The following LDLRAD4 variants were observed in gnomAD, a reference collection of about 807,000 sequenced individuals.
LDLRAD4 encodes the protein low-density lipoprotein receptor class A domain-containing protein 4.
Under a neutral mutation model 17.0 loss-of-function variants are expected in LDLRAD4, and 5 were observed. That is an observed-to-expected ratio of 0.29 (90% confidence interval 0.15 to 0.62). LDLRAD4 has a LOEUF of 0.62. Ranked by LOEUF, LDLRAD4 falls within the 20% of genes least tolerant of loss-of-function variation. LDLRAD4 has a pLI of 0.84. For synonymous variants in LDLRAD4, 168 were observed against 171.8 expected (o/e 0.98, Z 0.17); for missense variants, 340 against 424.7 (o/e 0.80, Z 1.75).
intron 3 of LDLRAD4, among the ~76,000 whole-genome samples, chr18:13,469,251 G>A (rs1046247017): frequency 8.5e-5 from 13 of 152,246 alleles, no homozygotes; most frequent in African/African-American, 3.1e-4. Context: ...TGGCAAAGAT[G>A]TGGAGAAATT....
chr18:13,613,749 C>T (rs1262566888), intron 3 of LDLRAD4: 1 of 152,204 alleles, frequency 6.6e-6, no homozygotes, highest in Non-Finnish European at 1.5e-5. Flanking sequence ...TTCCCTAGTC[C>T]GTCCAGTCAT....
chr18:13,504,531 G>A (rs546921970), intron 3 of LDLRAD4, among the ~76,000 whole-genome samples: 2 of 152,214 alleles, frequency 1.3e-5, no homozygotes, highest in Admixed American at 1.3e-4. Context: ...GGGTTCAAGC[G>A]ATTCTCCTGC....
intron 3 of LDLRAD4, among the ~76,000 whole-genome samples, chr18:13,594,176 G>T (rs758338525): frequency 1.3e-5 from 2 of 152,086 alleles, no homozygotes; most frequent in African/African-American, 4.8e-5. Flanking sequence ...GCAGCACCTC[G>T]CTTAGAGGTA....
intron 1 of LDLRAD4, among the ~76,000 whole-genome samples, chr18:13,243,865 A>G (rs2042807684): frequency 8.3e-6 from 1 of 120,688 alleles, no homozygotes; most frequent in Non-Finnish European, 1.7e-5. Context: ...TCACCCACCC[A>G]CACATCCACC....
intron 3 of LDLRAD4, chr18:13,612,249 G>A: frequency 2.0e-6 from 2 of 995,656 alleles, no homozygotes; most frequent in Admixed American, 5.8e-5. Context: ...TTGCCTGTGT[G>A]TGTGACACGT....
chr18:13,226,469 C>T (rs973053059), intron 1 of LDLRAD4, among the ~76,000 whole-genome samples: 4 of 151,868 alleles, frequency 2.6e-5, no homozygotes, highest in African/African-American at 7.3e-5. Context: ...AGGGTGACTG[C>T]ACCCTTGTCA....
At chr18:13,535,549 G>T (rs1601180638) in intron 3 of LDLRAD4, among the ~76,000 whole-genome samples, 1 of 152,002 alleles carries the variant, frequency 6.6e-6, no homozygotes, top group East Asian at 1.9e-4. Flanking sequence ...TATATGTTTT[G>T]AATACAAACT....
At chr18:13,299,210 C>G (rs538627338) in intron 1 of LDLRAD4, among the ~76,000 whole-genome samples, 18 of 152,342 alleles carry the variant, frequency 1.2e-4, no homozygotes, top group Admixed American at 2.0e-4. Flanking sequence ...GCGAGACCCT[C>G]TTTCTGAAAT....
rs540754968 is a variant in LDLRAD4 at position 13,505,674 on chromosome 18, C to A, written c.181+67290C>A. ...TCTACTAAAAATACAAAATATTACC[C>A]GGGCGTGGTGGTGGGCACCTGTAGT... On this transcript the variant is annotated intron_variant, in intron 3 of 5. Transcript: ENST00000359446. Among the ~76,000 whole-genome samples, 257 of 152,076 alleles carry A rather than the reference C, an allele frequency of 1.7e-3. 2 individuals carry two copies. Among genetic ancestry groups the A allele is most frequent in the Non-Finnish European group, 5.0e-4 (34 of 67,990 alleles).
intron 3 of LDLRAD4, among the ~76,000 whole-genome samples, chr18:13,590,359 G>T (rs1193827857): frequency 6.6e-6 from 1 of 152,022 alleles, no homozygotes; most frequent in African/African-American, 2.4e-5. Context: ...GTGCGTGTGC[G>T]TGTATGTGCA....
At chr18:13,582,747 C>G (rs1337718870) in intron 3 of LDLRAD4, among the ~76,000 whole-genome samples, 1 of 152,238 alleles carries the variant, frequency 6.6e-6, no homozygotes, top group Non-Finnish European at 1.5e-5. Context: ...AGGTCTCACT[C>G]TGTCACCCAG....
chr18:13,590,759 G>A (rs1323139521), intron 3 of LDLRAD4, among the ~76,000 whole-genome samples: 1 of 152,236 alleles, frequency 6.6e-6, no homozygotes, highest in Non-Finnish European at 1.5e-5. Flanking sequence ...GCTCAGGAAA[G>A]CTTACTGATC....
chr18:13,631,602 A>G (rs777104530), intron 4 of LDLRAD4, among the ~76,000 whole-genome samples: 22 of 152,198 alleles, frequency 1.4e-4, no homozygotes, highest in Non-Finnish European at 1.8e-4. Context: ...CCTCAACAAA[A>G]TACTAGCAAA....
intron 1 of LDLRAD4, among the ~76,000 whole-genome samples, chr18:13,325,840 C>T (rs1252162457): frequency 2.0e-5 from 3 of 152,100 alleles, no homozygotes; most frequent in African/African-American, 7.2e-5. Flanking sequence ...GCAAGCTCCC[C>T]CTCCCGGGTT....
At chr18:13,643,337 T>C (rs1484214908) in intron 4 of LDLRAD4, 22 bp from the exon 6 acceptor site, 6 of 1,460,176 alleles carry the variant, frequency 4.1e-6, no homozygotes, top group Non-Finnish European at 5.5e-6. Flanking sequence ...CCCCCCACTC[T>C]CCTCCCCTTC....
At chr18:13,405,408 C>T (rs1197378156) in intron 2 of LDLRAD4, among the ~76,000 whole-genome samples, 7 of 151,956 alleles carry the variant, frequency 4.6e-5, no homozygotes, top group African/African-American at 9.7e-5. Context: ...ACTACAAGTT[C>T]GTTGCCACCA....
At chr18:13,517,652 C>T (rs879369491) in intron 3 of LDLRAD4, among the ~76,000 whole-genome samples, 1 of 152,210 alleles carries the variant, frequency 6.6e-6, no homozygotes, top group Non-Finnish European at 1.5e-5. Context: ...TGTTGAAGCC[C>T]CACAGGTGGG....
At chr18:13,243,703 TACCCATCC>T (rs1401005958) in intron 1 of LDLRAD4, among the ~76,000 whole-genome samples, 2 of 138,644 alleles carry the variant, frequency 1.4e-5, no homozygotes, top group Non-Finnish European at 3.1e-5. Context: ...AGCCACCACC[TACCCATCC>T]ACCCATCCAC....
At chr18:13,362,885 AC>A (rs1301400738) in intron 1 of LDLRAD4, among the ~76,000 whole-genome samples, 3 of 151,188 alleles carry the variant, frequency 2.0e-5, no homozygotes, top group African/African-American at 7.3e-5. Context: ...AAATTAGAAA[AC>A]TTTTTTTTTT....
Sources: gnomAD v4.1 joint callset for allele counts (sites outside exome capture counted in the v4.1 genomes callset) on GRCh38, gnomAD v4.1.1 for gene constraint, MANE v1.5 for transcripts, NCBI Gene and HGNC (gene_info 2026-07-23, HGNC 2026-07-21) for gene names.